Variants in ATAD3B observed in about 807,000 individuals in gnomAD.
ATAD3B encodes ATPase family AAA domain containing 3B, also known as ATPase family AAA domain-containing protein 3B.
In ATAD3B, 59 loss-of-function variants were observed where a neutral mutation model predicts 70.2. That is an observed-to-expected ratio of 0.84 (90% CI 0.68 to 1.04). The LOEUF (loss-of-function observed/expected upper bound fraction) is 1.04, where lower values mean the gene tolerates loss of function less well. Ranked by LOEUF, ATAD3B falls within the 50% of genes least tolerant of loss-of-function variation. The pLI is 0.00. For missense variants in ATAD3B, 961 were observed against 913.4 expected (o/e 1.05, Z -0.67); for synonymous variants, 423 against 388.6 (o/e 1.09, Z -1.04).
At chr1:1,509,122 C>T in the ATAD3B span, 1 of 1,511,734 alleles carries the variant, frequency 6.6e-7, no homozygotes, top group Non-Finnish European at 8.9e-7. Context: ...TGGTTTGGTC[C>T]CTCCCCACCT....
chr1:1,479,372 GCA>G (rs1203802662), intron 4 of ATAD3B, among the ~76,000 whole-genome samples: 1 of 144,152 alleles, frequency 6.9e-6, no homozygotes, highest in African/African-American at 2.6e-5. Flanking sequence ...CGGCAGACAG[GCA>G]CACACACCCC....
intron 1 of ATAD3B, among the ~76,000 whole-genome samples, chr1:1,476,882 C>T (rs563537230): frequency 6.6e-6 from 1 of 152,020 alleles, no homozygotes; most frequent in African/African-American, 2.4e-5. Flanking sequence ...TCTCGGCTCG[C>T]TGCAAGCTCT....
Position 1,495,711 on chromosome 1 carries a change from G to A in ATAD3B, c.1841G>A (p.Arg614Lys). The change falls in exon 16 of 16, where the codon AGG (arginine) becomes AAG (lysine). Residue 614 changes from arginine to lysine, a missense_variant. Physicochemically the swap from Arg to Lys is conservative, Grantham distance 26. This residue lies in a region of ATAD3B where 417 missense variants were observed against 335.0 expected (regional missense o/e 1.24). Coordinates refer to ENST00000673477, the MANE Select transcript of ATAD3B (RefSeq NM_031921.6). The part of the protein sequence containing the change: ...YPCLAGPCTF[R>K]ICSWMGTGLC... ...TGCCTTGCCGGCCCCTGCACATTTA[G>A]GATATGCTCCTGGATGGGGACTGGG... is the stretch of plus-strand genomic sequence containing the variant. 1 of 1,613,336 alleles carries A rather than the reference G, an allele frequency of 6.2e-7. No individual in the cohort carries two copies. The highest frequency in any genetic ancestry group is 8.5e-7 in the Non-Finnish European group (1 of 1,179,574).
Position 1,496,547 on chromosome 1 carries a change from C to G in ATAD3B, c.*730C>G, listed in dbSNP as rs528820749. 6.6e-6 allele frequency: 1 copy of G among 152,108 alleles called. No homozygotes were observed. The highest frequency in any genetic ancestry group is 1.5e-5 in the Non-Finnish European group (1 of 68,162). 9.4% of individuals were successfully genotyped at this position (152,108 alleles called of 1,614,324 possible). A position where few individuals can be genotyped will look rare whatever the true frequency, so the allele number is the denominator to read the frequency against. ...GCCCAGGCATCGTCCATGGAAGACA[C>G]GCAGTCGGCCACTGCAGCCTCGGTC... On this transcript the variant is annotated 3_prime_UTR_variant, in exon 16 of 16. Transcript: ENST00000673477.
At chr1:1,480,697 C>T (rs777586714) in intron 4 of ATAD3B, among the ~76,000 whole-genome samples, 170 bp from the exon 5 acceptor site, 3 of 147,348 alleles carry the variant, frequency 2.0e-5, no homozygotes, top group South Asian at 2.2e-4. Context: ...CAGTGACTGC[C>T]GTCCCAGCCG....
At chr1:1,500,686 G>T (rs973785208), downstream of ATAD3B, among the ~76,000 whole-genome samples, 6 of 151,552 alleles carry the variant, frequency 4.0e-5, no homozygotes, top group African/African-American at 1.5e-4. Context: ...GGGCGCAGTG[G>T]CTCATGCCTG....
intron 4 of ATAD3B, among the ~76,000 whole-genome samples, chr1:1,480,121 G>A (rs1376949230): frequency 7.0e-6 from 1 of 143,348 alleles, no homozygotes; most frequent in Non-Finnish European, 1.5e-5. Context: ...ACGGGCACGT[G>A]TACGCACCCC....
At position 1,489,304 on chromosome 1, in the gene ATAD3B, C is replaced by T. The variant is rs200669266; in HGVS notation, c.1337+30C>T. 71 of 1,612,850 alleles carry T rather than the reference C, an allele frequency of 4.4e-5. 4 individuals carry two copies. The East Asian group carries it at 9.1e-4, about 21-fold the overall frequency. The stretch of plus-strand genomic sequence containing the variant: ...GGGAGCCCCTCGGGTCCTGAGCCCC[C>T]GGGCAGGGCTGTGCAGCCGTCGCCC... On this transcript the variant is annotated intron_variant, in intron 13 of 15. Transcript: ENST00000673477.
the ATAD3B span, among the ~76,000 whole-genome samples, chr1:1,502,976 G>C: frequency 6.6e-5 from 10 of 150,916 alleles, no homozygotes; most frequent in Admixed American, 4.6e-4. Flanking sequence ...TGTAATCCCA[G>C]CACTTTGGGA....
intron 15 of ATAD3B, among the ~76,000 whole-genome samples, chr1:1,490,953 G>A (rs1471184423): frequency 6.6e-6 from 1 of 151,968 alleles, no homozygotes; most frequent in Non-Finnish European, 1.5e-5. Flanking sequence ...GGCTCTGCTG[G>A]GTGTGGTGGG....
chr1:1,509,328 G>A, the ATAD3B span: 9 of 1,611,732 alleles, frequency 5.6e-6, no homozygotes, highest in East Asian at 4.5e-5. Context: ...GCCTGGGCCC[G>A]AGGACGAGCA....
chr1:1,506,874 G>C, the ATAD3B span, among the ~76,000 whole-genome samples: 1 of 147,784 alleles, frequency 6.8e-6, no homozygotes, highest in African/African-American at 2.5e-5. Flanking sequence ...TGCAAGCTCC[G>C]CCTCTTGGGT....
At chr1:1,499,688 G>T (rs1337458525), downstream of ATAD3B, among the ~76,000 whole-genome samples, 1 of 149,948 alleles carries the variant, frequency 6.7e-6, no homozygotes, top group Non-Finnish European at 1.5e-5. Flanking sequence ...CCGCCTGCCG[G>T]GTTCAAGCGA....
chr1:1,495,542 G>A lies in ATAD3B; in HGVS notation c.1672G>A (p.Val558Met). 1.9e-6 allele frequency: 3 copies of A among 1,613,022 alleles called. No homozygotes were observed. Among genetic ancestry groups the A allele is most frequent in the Non-Finnish European group, 2.5e-6 (3 of 1,179,316 alleles). The change falls in exon 16 of 16, where the codon GTG (valine) becomes ATG (methionine). Residue 558 changes from valine (V) to methionine (M), a missense_variant. Physicochemically the swap from Val to Met is conservative, Grantham distance 21. Around this residue, in one of 4 missense-constraint regions of ATAD3B, gnomAD observed 417 missense variants for 335.0 expected, o/e 1.24. Coordinates refer to ENST00000673477, the MANE Select transcript of ATAD3B (RefSeq NM_031921.6). ...VLTEAMMDAC[V>M]QDAVQQYRQK... ...CACTGAGGCCATGATGGACGCCTGT[G>A]TGCAAGATGCTGTCCAGCAGTACCG...
downstream of ATAD3B, among the ~76,000 whole-genome samples, chr1:1,501,869 TG>T (rs201775921): frequency 0.019 from 2,882 of 152,138 alleles, 113 homozygotes; most frequent in African/African-American, 0.066. Flanking sequence ...TTTTTGTTTT[TG>T]TTTTGTTTTG....
intron 7 of ATAD3B, chr1:1,482,901 T>A: frequency 1.9e-6 from 1 of 519,796 alleles, no homozygotes. Flanking sequence ...CTCGAGAGGC[T>A]GAGGTAGGAG....
downstream of ATAD3B, among the ~76,000 whole-genome samples, chr1:1,499,497 G>A (rs1262346681): frequency 1.3e-5 from 2 of 151,670 alleles, no homozygotes; most frequent in Non-Finnish European, 2.9e-5. Context: ...CTCCCAAAGT[G>A]CTGGGATTAC....
downstream of ATAD3B, among the ~76,000 whole-genome samples, chr1:1,501,477 G>C (rs6673870): frequency 0.013 from 2,049 of 152,112 alleles, 50 homozygotes; most frequent in African/African-American, 0.046. Flanking sequence ...GGATGGTCTC[G>C]ATCTCCTGAC....
chr1:1,482,399 G>C lies in ATAD3B; in HGVS notation c.680+96G>C, dbSNP rs1227413439. ...CTCTCCAGCTCTTCCAGGCCTGGCC[G>C]CCATAGGCTGACTCCTTGGTGGGGG... On this transcript the variant is annotated intron_variant, in intron 6 of 15. Coordinates refer to ENST00000673477, the MANE Select transcript of ATAD3B (RefSeq NM_031921.6). 9 of 1,582,040 alleles carry C rather than the reference G, an allele frequency of 5.7e-6. 1 individual carries two copies. The highest frequency in any genetic ancestry group is 7.7e-6 in the Non-Finnish European group (9 of 1,164,010).
Sources: allele counts gnomAD v4.1 joint callset (sites outside exome capture counted in the v4.1 genomes callset), GRCh38; gene constraint gnomAD v4.1.1; regional missense constraint gnomAD v4.1.1; transcripts MANE v1.5; gene names NCBI Gene and HGNC (gene_info 2026-07-23, HGNC 2026-07-21).